ENTREP2: variants seen among roughly 807,000 people sequenced by gnomAD.
ENTREP2 encodes protein ENTREP2.
the ENTREP2 span, among the ~76,000 whole-genome samples, chr15:29,527,893 T>C: frequency 6.6e-6 from 1 of 152,142 alleles, no homozygotes; most frequent in Non-Finnish European, 1.5e-5. Context: ...ACGGGCTTGC[T>C]GGTTTCGCTG....
the ENTREP2 span, among the ~76,000 whole-genome samples, chr15:29,470,939 G>C: frequency 6.6e-6 from 1 of 152,184 alleles, no homozygotes; most frequent in African/African-American, 2.4e-5. Flanking sequence ...CACTATTACA[G>C]GTGATCTCAC....
chr15:29,558,262 G>T, the ENTREP2 span, among the ~76,000 whole-genome samples: 2 of 152,094 alleles, frequency 1.3e-5, no homozygotes, highest in Non-Finnish European at 2.9e-5. Context: ...ACGCTGCCTA[G>T]CAGGCCTCTG....
At chr15:29,626,940 A>C in the ENTREP2 span, among the ~76,000 whole-genome samples, 3 of 152,108 alleles carry the variant, frequency 2.0e-5, no homozygotes, top group Non-Finnish European at 2.9e-5. Flanking sequence ...GTCTTGAGAT[A>C]ATTTTGTCAT....
At chr15:29,570,962 C>T in the ENTREP2 span, among the ~76,000 whole-genome samples, 759 of 145,110 alleles carry the variant, frequency 5.2e-3, 6 homozygotes, top group Non-Finnish European at 8.4e-3. Context: ...GCCCGCCGGC[C>T]GCGCCGCGCT....
At chr15:29,593,528 T>C in the ENTREP2 span, among the ~76,000 whole-genome samples, 1 of 152,190 alleles carries the variant, frequency 6.6e-6, no homozygotes, top group Non-Finnish European at 1.5e-5. Context: ...CCAGAAGCTG[T>C]TCTCCTCCAA....
At chr15:29,304,752 T>C in the ENTREP2 span, among the ~76,000 whole-genome samples, 1 of 152,092 alleles carries the variant, frequency 6.6e-6, no homozygotes, top group African/African-American at 2.4e-5. Context: ...TATGATCCCC[T>C]CTCTTTCCTC....
chr15:29,519,362 CCCT>C, the ENTREP2 span, among the ~76,000 whole-genome samples: 27 of 151,378 alleles, frequency 1.8e-4, 1 homozygote, highest in East Asian at 3.7e-3. Context: ...CTCCTGCTGC[CCCT>C]CCTACTTCCT....
chr15:29,164,531 T>C, the ENTREP2 span, among the ~76,000 whole-genome samples: 599 of 152,322 alleles, frequency 3.9e-3, 4 homozygotes, highest in African/African-American at 0.014. Context: ...GTAGCTATTC[T>C]TATATCAGAC....
the ENTREP2 span, among the ~76,000 whole-genome samples, chr15:29,157,364 G>A: frequency 6.6e-6 from 1 of 152,186 alleles, no homozygotes; most frequent in African/African-American, 2.4e-5. Context: ...TCAGGGGCCT[G>A]GGGGCCTCCG....
At chr15:29,444,214 G>GAAAGAAAGAAAGA in the ENTREP2 span, among the ~76,000 whole-genome samples, 480 of 146,210 alleles carry the variant, frequency 3.3e-3, 15 homozygotes, top group African/African-American at 0.012. Flanking sequence ...AAGAAAGAAA[G>GAAAGAAAGAAAGA]AAAGAAAGAA....
chr15:29,352,992 A>G, the ENTREP2 span, among the ~76,000 whole-genome samples: 515 of 152,270 alleles, frequency 3.4e-3, 5 homozygotes, highest in African/African-American at 0.012. Flanking sequence ...CTCTGTGCCA[A>G]GTGACTTAGA....
chr15:29,147,006 C>T, the ENTREP2 span, among the ~76,000 whole-genome samples: 2 of 151,826 alleles, frequency 1.3e-5, no homozygotes, highest in Non-Finnish European at 2.9e-5. Flanking sequence ...TTAGGCATTG[C>T]TTTCTTAGAT....
At chr15:29,493,660 T>C in the ENTREP2 span, among the ~76,000 whole-genome samples, 3 of 150,670 alleles carry the variant, frequency 2.0e-5, no homozygotes, top group Admixed American at 6.6e-5. Flanking sequence ...AGAATATAGA[T>C]AGATAGACAG....
At chr15:29,394,345 T>C in the ENTREP2 span, among the ~76,000 whole-genome samples, 4 of 152,140 alleles carry the variant, frequency 2.6e-5, no homozygotes, top group East Asian at 1.9e-4. Flanking sequence ...AACAATGTCA[T>C]TGAACTATGT....
the ENTREP2 span, among the ~76,000 whole-genome samples, chr15:29,661,948 C>T: frequency 4.6e-5 from 7 of 152,092 alleles, no homozygotes; most frequent in Admixed American, 1.3e-4. Flanking sequence ...TGGTGTATTA[C>T]GCCTGTAATC....
the ENTREP2 span, among the ~76,000 whole-genome samples, chr15:29,403,553 A>C: frequency 6.6e-6 from 1 of 152,242 alleles, no homozygotes; most frequent in Admixed American, 6.5e-5. Flanking sequence ...ATCAACTTTT[A>C]AATCCACTGG....
the ENTREP2 span, among the ~76,000 whole-genome samples, chr15:29,674,797 G>A: frequency 3.5e-4 from 53 of 151,512 alleles, no homozygotes; most frequent in Admixed American, 7.9e-4. Context: ...GAAGGGGCGG[G>A]CTTCCCCCTG....
the ENTREP2 span, among the ~76,000 whole-genome samples, chr15:29,190,238 G>A: frequency 6.6e-6 from 1 of 152,158 alleles, no homozygotes; most frequent in South Asian, 2.1e-4. Flanking sequence ...CCTGTGTGGT[G>A]TGGTGGAGTT....
the ENTREP2 span, among the ~76,000 whole-genome samples, chr15:29,328,046 G>C: frequency 1.3e-3 from 204 of 152,272 alleles, 3 homozygotes; most frequent in Middle Eastern, 0.044. Context: ...ATCTTAAATA[G>C]GTGAATGGAT....
Sources: gnomAD v4.1 joint callset for allele counts (sites outside exome capture counted in the v4.1 genomes callset) on GRCh38, gnomAD v4.1.1 for gene constraint, MANE v1.5 for transcripts, NCBI Gene and HGNC (gene_info 2026-07-23, HGNC 2026-07-21) for gene names.